Variants in CNTN4 observed in about 807,000 individuals in gnomAD.
The protein encoded by CNTN4 is contactin 4, also known as contactin-4.
A neutral mutation model predicts 122.5 loss-of-function variants in CNTN4; 77 were observed. The ratio of observed to expected loss-of-function variants is 0.63; its 90% CI spans 0.52 to 0.76. The LOEUF (loss-of-function observed/expected upper bound fraction) is 0.76, where lower values mean the gene tolerates loss of function less well. Among genes scored for constraint, CNTN4 ranks in the 30% least tolerant of loss-of-function variants. CNTN4 has a pLI of 0.00. For missense variants in CNTN4, 1,256 were observed against 1,259.1 expected (o/e 1.00, Z 0.04); for synonymous variants, 512 against 447.0 (o/e 1.15, Z -1.83).
intron 10 of CNTN4, among the ~76,000 whole-genome samples, chr3:2,889,624 T>C (rs1346455841): frequency 6.6e-6 from 1 of 152,210 alleles, no homozygotes; most frequent in African/African-American, 2.4e-5. Flanking sequence ...AATATTCAGA[T>C]AATTGGCCAA....
chr3:2,610,029 A>G (rs1056662259), intron 4 of CNTN4, among the ~76,000 whole-genome samples: 1 of 152,182 alleles, frequency 6.6e-6, no homozygotes, highest in Non-Finnish European at 1.5e-5. Flanking sequence ...TCCCGAGCAC[A>G]GTGCCCGCAC....
At chr3:2,237,154 T>C (rs2039711928) in intron 2 of CNTN4, among the ~76,000 whole-genome samples, 1 of 152,070 alleles carries the variant, frequency 6.6e-6, no homozygotes, top group Non-Finnish European at 1.5e-5. Context: ...ACGATCATAC[T>C]AGCTACTAAA....
chr3:2,745,399 C>T, intron 5 of CNTN4, 123 bp from the exon 6 acceptor site: 1 of 835,174 alleles, frequency 1.2e-6, no homozygotes, highest in Non-Finnish European at 2.0e-6. Flanking sequence ...ACTTCTTAAT[C>T]ATGCTTTTTA....
chr3:2,646,296 T>C (rs755868646), intron 4 of CNTN4, among the ~76,000 whole-genome samples: 2 of 152,198 alleles, frequency 1.3e-5, no homozygotes, highest in Non-Finnish European at 2.9e-5. Context: ...GACTTCATAG[T>C]ATTTTTATTA....
At chr3:2,421,890 T>C (rs2047633184) in intron 3 of CNTN4, among the ~76,000 whole-genome samples, 1 of 152,148 alleles carries the variant, frequency 6.6e-6, no homozygotes, top group Non-Finnish European at 1.5e-5. Flanking sequence ...AATAATTTGC[T>C]CAACAACACA....
chr3:2,827,818 G>A (rs528282854), intron 7 of CNTN4, among the ~76,000 whole-genome samples: 44 of 152,214 alleles, frequency 2.9e-4, no homozygotes, highest in Non-Finnish European at 5.4e-4. Context: ...AGACTTAGGC[G>A]GATGCAGGAC....
intron 14 of CNTN4, among the ~76,000 whole-genome samples, chr3:3,015,005 T>G (rs572341249): frequency 2.6e-5 from 4 of 151,912 alleles, no homozygotes; most frequent in Admixed American, 1.3e-4. Context: ...TAGTTCTTCC[T>G]TACAAGAGTG....
At chr3:2,345,601 C>G (rs551364620) in intron 3 of CNTN4, among the ~76,000 whole-genome samples, 1 of 152,104 alleles carries the variant, frequency 6.6e-6, no homozygotes, top group South Asian at 2.1e-4. Flanking sequence ...TGTATTAGGA[C>G]CAGGTGATAT....
chr3:2,436,378 G>C (rs2048259119), intron 3 of CNTN4, among the ~76,000 whole-genome samples: 1 of 152,112 alleles, frequency 6.6e-6, no homozygotes, highest in Non-Finnish European at 1.5e-5. Flanking sequence ...GAGTGCTATA[G>C]GAGAAGGCAT....
intron 12 of CNTN4, among the ~76,000 whole-genome samples, chr3:2,921,197 C>G (rs1481837020): frequency 6.6e-6 from 1 of 152,142 alleles, no homozygotes; most frequent in Non-Finnish European, 1.5e-5. Context: ...ACCACTACAC[C>G]TGGCTAATGT....
At chr3:2,675,642 C>T (rs1164416402) in intron 4 of CNTN4, among the ~76,000 whole-genome samples, 3 of 152,154 alleles carry the variant, frequency 2.0e-5, no homozygotes, top group Non-Finnish European at 4.4e-5. Flanking sequence ...GCACATAGTA[C>T]ATGCTTAGTA....
At chr3:2,134,333 A>G (rs898206988) in intron 2 of CNTN4, among the ~76,000 whole-genome samples, 3 of 152,192 alleles carry the variant, frequency 2.0e-5, no homozygotes, top group Non-Finnish European at 4.4e-5. Flanking sequence ...CTCCTAGGTG[A>G]TTTGAATTCG....
intron 4 of CNTN4, among the ~76,000 whole-genome samples, chr3:2,634,687 A>AATATAT (rs869025837): frequency 2.3e-5 from 3 of 133,140 alleles, no homozygotes; most frequent in African/African-American, 8.7e-5. Flanking sequence ...AAAAAAAAAA[A>AATATAT]ATATATATAT....
intron 2 of CNTN4, among the ~76,000 whole-genome samples, chr3:2,326,528 A>AC (rs2043472005): frequency 1.9e-4 from 22 of 114,144 alleles, no homozygotes; most frequent in Non-Finnish European, 1.1e-4. Flanking sequence ...ACACACACAC[A>AC]ATCTTACTGA....
Position 2,709,689 on chromosome 3 carries a change from G to A in CNTN4, c.56-26526G>A, listed in dbSNP as rs529895491. Among the ~76,000 whole-genome samples, 155 of 152,246 alleles carry A rather than the reference G, an allele frequency of 1.0e-3. No homozygotes were observed. The highest frequency in any genetic ancestry group is 2.0e-3 in the Non-Finnish European group (134 of 68,000). On this transcript the variant is annotated intron_variant, in intron 4 of 24. Coordinates refer to ENST00000418658, the MANE Select transcript of CNTN4 (RefSeq NM_175607.3). This position sits in a 1 kb window ranked among gnomAD's most constrained non-coding sequence, Gnocchi z 5.0. ...AGCACTTTGGGAGGCTGAGGCAGGT[G>A]GATCACTTGAGGTCAGGAGTTCAAA... is the stretch of plus-strand genomic sequence containing the variant.
At chr3:2,329,980 G>T (rs1349161144) in intron 2 of CNTN4, among the ~76,000 whole-genome samples, 1 of 152,102 alleles carries the variant, frequency 6.6e-6, no homozygotes, top group Non-Finnish European at 1.5e-5. Context: ...TCTACCTGGA[G>T]TTACAGTCAG....
chr3:2,616,223 C>T (rs903640749), intron 4 of CNTN4, among the ~76,000 whole-genome samples: 2 of 151,866 alleles, frequency 1.3e-5, no homozygotes, highest in Non-Finnish European at 2.9e-5. Context: ...TCAACTCCCA[C>T]TTATGAGTGA....
Position 2,393,004 on chromosome 3 carries a change from T to G in CNTN4, c.-89+53771T>G, listed in dbSNP as rs566076283. On this transcript the variant is annotated intron_variant, in intron 3 of 24. Coordinates refer to ENST00000418658, the MANE Select transcript of CNTN4 (RefSeq NM_175607.3). ...ACTGAGTGGCTTAAACAACAGAAAT[T>G]TATCGTCTTACATTTCTGGATGTTA... Among the ~76,000 whole-genome samples, 18 of 152,316 alleles carry G rather than the reference T, an allele frequency of 1.2e-4. No individual in the cohort carries two copies. The South Asian group carries it at 3.5e-3, about 30-fold the overall frequency.
intron 12 of CNTN4, among the ~76,000 whole-genome samples, chr3:2,923,752 A>G (rs2094449240): frequency 1.3e-5 from 2 of 152,216 alleles, no homozygotes; most frequent in Admixed American, 6.5e-5. Context: ...AGTAGTTATT[A>G]TGAATTTAAC....
Sources: gnomAD v4.1 joint callset for allele counts (sites outside exome capture counted in the v4.1 genomes callset) on GRCh38, gnomAD v4.1.1 for gene constraint, Gnocchi (gnomAD v3.1) non-coding constraint, MANE v1.5 for transcripts, NCBI Gene and HGNC (gene_info 2026-07-23, HGNC 2026-07-21) for gene names.